ZPBP: variants seen among roughly 807,000 people sequenced by gnomAD.
The protein encoded by ZPBP is zona pellucida-binding protein 1.
Under a neutral mutation model 44.8 loss-of-function variants are expected in ZPBP, and 26 were observed. The ratio of observed to expected loss-of-function variants is 0.58; its 90% CI spans 0.43 to 0.81. The LOEUF (loss-of-function observed/expected upper bound fraction) is 0.81, where lower values mean the gene tolerates loss of function less well. Ranked by LOEUF, ZPBP falls within the 30% of genes least tolerant of loss-of-function variation. The probability of loss-of-function intolerance (pLI) is 0.00; values close to 1 mark genes in which losing one functional copy is unlikely to be tolerated. For missense variants in ZPBP, 409 were observed against 434.0 expected (o/e 0.94, Z 0.51); for synonymous variants, 174 against 153.2 (o/e 1.14, Z -1.00).
At chr7:50,027,546 G>A (rs933384476) in intron 5 of ZPBP, among the ~76,000 whole-genome samples, 5 of 151,692 alleles carry the variant, frequency 3.3e-5, no homozygotes, top group African/African-American at 9.7e-5. Context: ...ATTACTTAAC[G>A]TCACACCTTA....
intron 4 of ZPBP, among the ~76,000 whole-genome samples, chr7:50,039,614 G>T (rs1185960110): frequency 6.6e-6 from 1 of 152,150 alleles, no homozygotes; most frequent in African/African-American, 2.4e-5. Context: ...AGAGGTGGGT[G>T]AGAGAAGCTG....
chr7:50,047,662 C>CA (rs60779181), intron 4 of ZPBP, among the ~76,000 whole-genome samples: 6,532 of 129,670 alleles, frequency 0.05, 453 homozygotes, highest in African/African-American at 0.17. Context: ...ACCCAAATGG[C>CA]AAAAAAAAAA....
intron 6 of ZPBP, among the ~76,000 whole-genome samples, chr7:49,984,234 T>C (rs1169085008): frequency 6.6e-6 from 1 of 152,162 alleles, no homozygotes; most frequent in Admixed American, 6.5e-5. Flanking sequence ...TAACTACTAA[T>C]GGTGCACCTC....
At chr7:49,930,025 C>T (rs1352434948) in intron 1 of ZPBP, among the ~76,000 whole-genome samples, 1 of 152,166 alleles carries the variant, frequency 6.6e-6, no homozygotes, top group African/African-American at 2.4e-5. Flanking sequence ...AACCCTGTGA[C>T]ACTATTCTGT....
intron 3 of ZPBP, among the ~76,000 whole-genome samples, chr7:50,072,768 C>T (rs1440645063): frequency 1.3e-5 from 2 of 152,238 alleles, no homozygotes; most frequent in African/African-American, 4.8e-5. Flanking sequence ...AGAACCAAAG[C>T]ATTACTGAGC....
chr7:49,944,289 T>C, intron 7 of ZPBP: 1 of 306,706 alleles, frequency 3.3e-6, no homozygotes, highest in South Asian at 3.7e-5. Flanking sequence ...CCACAGCTGT[T>C]CTTGTATTTC....
At chr7:49,889,999 C>G (rs1445143844) in intron 2 of ZPBP, among the ~76,000 whole-genome samples, 1 of 152,142 alleles carries the variant, frequency 6.6e-6, no homozygotes, top group Non-Finnish European at 1.5e-5. Flanking sequence ...TTCTAGGTTT[C>G]AGTTTTCCCA....
chr7:50,091,144 C>A (rs1802972993), intron 1 of ZPBP, among the ~76,000 whole-genome samples: 1 of 151,716 alleles, frequency 6.6e-6, no homozygotes, highest in South Asian at 2.1e-4. Flanking sequence ...GTCCTTAGCC[C>A]ACTTTTTGAT....
intron 4 of ZPBP, among the ~76,000 whole-genome samples, chr7:50,044,456 C>T (rs541712314): frequency 5.3e-5 from 8 of 151,798 alleles, no homozygotes; most frequent in Non-Finnish European, 7.4e-5. Flanking sequence ...AAGAATCAAA[C>T]GGACACAATA....
chr7:49,959,906 G>C (rs1394749058), intron 7 of ZPBP, among the ~76,000 whole-genome samples: 3 of 152,158 alleles, frequency 2.0e-5, no homozygotes, highest in Non-Finnish European at 4.4e-5. Flanking sequence ...TAGATGAATG[G>C]AGCATAATTA....
chr7:50,079,974 C>A (rs1306923508), intron 3 of ZPBP, among the ~76,000 whole-genome samples: 3 of 151,604 alleles, frequency 2.0e-5, no homozygotes, highest in African/African-American at 7.3e-5. Context: ...AAGAGAGACA[C>A]CAAATATAAG....
At chr7:50,041,942 A>G (rs138400554) in intron 4 of ZPBP, among the ~76,000 whole-genome samples, 474 of 152,298 alleles carry the variant, frequency 3.1e-3, no homozygotes, top group African/African-American at 0.011. Context: ...GGTTAGACGA[A>G]TTGCTAACTA....
At chr7:49,857,264 T>C (rs1790465101) in intron 2 of ZPBP, among the ~76,000 whole-genome samples, 1 of 152,204 alleles carries the variant, frequency 6.6e-6, no homozygotes, top group Non-Finnish European at 1.5e-5. Flanking sequence ...AGCGACTTTA[T>C]ATAAATGGAA....
intron 2 of ZPBP, among the ~76,000 whole-genome samples, chr7:49,855,141 T>C (rs894677055): frequency 6.6e-6 from 1 of 152,244 alleles, no homozygotes; most frequent in Admixed American, 6.5e-5. Context: ...AAAGGCCTGC[T>C]CACATTAGTC....
chr7:49,852,375 G>T (rs1369598007), intron 2 of ZPBP, among the ~76,000 whole-genome samples: 1 of 152,210 alleles, frequency 6.6e-6, no homozygotes, highest in African/African-American at 2.4e-5. Flanking sequence ...ATGAGCTGGT[G>T]GTTGTCCTGG....
chr7:49,987,631 A>C (rs1797355188), intron 6 of ZPBP, among the ~76,000 whole-genome samples: 1 of 152,040 alleles, frequency 6.6e-6, no homozygotes, highest in African/African-American at 2.4e-5. Context: ...AGCCTTAGAG[A>C]GTTCCATCCA....
chr7:49,942,166 G>A (rs1794914418), intron 7 of ZPBP: 1 of 154,406 alleles, frequency 6.5e-6, no homozygotes, highest in Non-Finnish European at 1.4e-5. Flanking sequence ...TGACACTGGG[G>A]AAAAGCTTCA....
intron 3 of ZPBP, among the ~76,000 whole-genome samples, chr7:50,068,302 A>G (rs1801638659): frequency 6.6e-6 from 1 of 152,198 alleles, no homozygotes; most frequent in African/African-American, 2.4e-5. Context: ...TTCTTGGCTT[A>G]TATGAAAGCC....
chr7:50,021,733 A>G (rs1488459856), intron 5 of ZPBP, among the ~76,000 whole-genome samples: 1 of 152,140 alleles, frequency 6.6e-6, no homozygotes, highest in African/African-American at 2.4e-5. Context: ...CAAAAATCAA[A>G]GACAGAAGCT....
Sources: gnomAD v4.1 joint callset for allele counts (sites outside exome capture counted in the v4.1 genomes callset) on GRCh38, gnomAD v4.1.1 for gene constraint, MANE v1.5 for transcripts, NCBI Gene and HGNC (gene_info 2026-07-23, HGNC 2026-07-21) for gene names.